KIF16B: variants seen among roughly 807,000 people sequenced by gnomAD.
KIF16B encodes the protein kinesin-like protein KIF16B.
Under a neutral mutation model 156.3 loss-of-function variants are expected in KIF16B, and 98 were observed. That is an observed-to-expected ratio of 0.63 (90% confidence interval 0.53 to 0.74). KIF16B has a LOEUF of 0.74. Ranked by LOEUF, KIF16B falls within the 30% of genes least tolerant of loss-of-function variation. The pLI is 0.00. For missense variants in KIF16B, 1,421 were observed against 1,606.5 expected (o/e 0.88, Z 1.97); for synonymous variants, 564 against 583.7 (o/e 0.97, Z 0.49).
chr20:16,385,175 G>C (rs1468362545), intron 17 of KIF16B, among the ~76,000 whole-genome samples: 2 of 150,906 alleles, frequency 1.3e-5, no homozygotes, highest in East Asian at 1.9e-4. Flanking sequence ...CCAGACTGGG[G>C]GACAAGAGCG....
At chr20:16,431,216 C>T (rs1240663658) in intron 12 of KIF16B, among the ~76,000 whole-genome samples, 1 of 152,134 alleles carries the variant, frequency 6.6e-6, no homozygotes, top group African/African-American at 2.4e-5. Flanking sequence ...TCTGGGCCAC[C>T]ACTCATGTCT....
chr20:16,298,877 T>C (rs964048831), intron 25 of KIF16B, among the ~76,000 whole-genome samples: 1 of 150,050 alleles, frequency 6.7e-6, no homozygotes, highest in African/African-American at 2.5e-5. Context: ...GTAAATGACA[T>C]GCTGTCCTCA....
At chr20:16,569,997 C>T (rs924037994) in intron 1 of KIF16B, among the ~76,000 whole-genome samples, 3 of 147,748 alleles carry the variant, frequency 2.0e-5, no homozygotes, top group Non-Finnish European at 4.4e-5. Context: ...TGTGTGTGTA[C>T]ATTTGTTAGC....
chr20:16,453,983 C>G (rs887483059), intron 12 of KIF16B, among the ~76,000 whole-genome samples: 11 of 152,142 alleles, frequency 7.2e-5, no homozygotes, highest in African/African-American at 2.7e-4. Flanking sequence ...CATGCACACA[C>G]GCATTATTCT....
At chr20:16,406,283 G>T in intron 16 of KIF16B, 91 bp downstream of exon 16, 1 of 1,105,178 alleles carries the variant, frequency 9.0e-7, no homozygotes, top group South Asian at 1.3e-5. Context: ...CTGCACCCCA[G>T]AAAGTCAAAA....
At chr20:16,526,384 T>C (rs2069546857) in intron 2 of KIF16B, among the ~76,000 whole-genome samples, 179 bp from the exon 3 acceptor site, 1 of 152,242 alleles carries the variant, frequency 6.6e-6, no homozygotes, top group Admixed American at 6.5e-5. Context: ...TTCTCTGTGA[T>C]ATGACCCAAG....
intron 14 of KIF16B, among the ~76,000 whole-genome samples, chr20:16,428,273 A>G (rs2066410813): frequency 6.6e-6 from 1 of 152,174 alleles, no homozygotes; most frequent in African/African-American, 2.4e-5. Context: ...AATAGCTTAC[A>G]CTTGGCAAGC....
At chr20:16,507,800 C>T (rs746595600) in intron 7 of KIF16B, among the ~76,000 whole-genome samples, 158 bp downstream of exon 7, 3 of 152,150 alleles carry the variant, frequency 2.0e-5, no homozygotes, top group Admixed American at 6.5e-5. Flanking sequence ...AGAAACTCAG[C>T]GCACAGCACA....
intron 24 of KIF16B, among the ~76,000 whole-genome samples, chr20:16,328,580 T>C (rs1415542998): frequency 1.3e-5 from 2 of 152,200 alleles, no homozygotes; most frequent in African/African-American, 4.8e-5. Context: ...AATGATTGAT[T>C]CCAGTACTTC....
At chr20:16,535,250 T>C (rs2069914033) in intron 1 of KIF16B, among the ~76,000 whole-genome samples, 1 of 152,224 alleles carries the variant, frequency 6.6e-6, no homozygotes, top group Non-Finnish European at 1.5e-5. Context: ...TTTTCTTTGA[T>C]AGCTACAGTA....
chr20:16,403,400 C>T (rs77586200), intron 17 of KIF16B, among the ~76,000 whole-genome samples: 1,893 of 152,338 alleles, frequency 0.012, 38 homozygotes, highest in African/African-American at 0.043. Flanking sequence ...CTCTGAAGTA[C>T]TTACCATTTA....
At chr20:16,542,937 C>T (rs2070260595) in intron 1 of KIF16B, among the ~76,000 whole-genome samples, 1 of 152,144 alleles carries the variant, frequency 6.6e-6, no homozygotes, top group African/African-American at 2.4e-5. Context: ...AAGGAGACCA[C>T]TCAGAAGGCT....
intron 12 of KIF16B, among the ~76,000 whole-genome samples, chr20:16,493,085 A>G (rs1156455342): frequency 6.6e-6 from 1 of 152,206 alleles, no homozygotes; most frequent in African/African-American, 2.4e-5. Context: ...CTGCAGAAGT[A>G]CCTCAAAATA....
At chr20:16,290,777 C>T (rs1018833160) in intron 25 of KIF16B, among the ~76,000 whole-genome samples, 1 of 152,130 alleles carries the variant, frequency 6.6e-6, no homozygotes, top group Non-Finnish European at 1.5e-5. Flanking sequence ...CACCAATGAT[C>T]CCCTTCACTG....
intron 15 of KIF16B, among the ~76,000 whole-genome samples, chr20:16,425,625 G>T (rs1165393861): frequency 2.0e-5 from 3 of 152,080 alleles, no homozygotes; most frequent in Non-Finnish European, 2.9e-5. Context: ...TAACAAAGAA[G>T]AAAAGAGTAA....
chr20:16,446,594 AC>A (rs1222607201), intron 12 of KIF16B, among the ~76,000 whole-genome samples: 3 of 152,220 alleles, frequency 2.0e-5, no homozygotes, highest in African/African-American at 7.2e-5. Flanking sequence ...ACGGAAATCA[AC>A]AAAATTAAAA....
intron 25 of KIF16B, among the ~76,000 whole-genome samples, chr20:16,297,489 A>G (rs1208575237): frequency 1.3e-5 from 2 of 152,038 alleles, no homozygotes; most frequent in Middle Eastern, 3.2e-3. Flanking sequence ...TCAGGAGATC[A>G]AGACCATTCT....
At chr20:16,556,921 T>G (rs1288245792) in intron 1 of KIF16B, among the ~76,000 whole-genome samples, 1 of 152,100 alleles carries the variant, frequency 6.6e-6, no homozygotes, top group East Asian at 1.9e-4. Flanking sequence ...TATGATCTTT[T>G]GTTCACTCAC....
chr20:16,542,184 AAT>A lies in KIF16B; in HGVS notation c.48-13746_48-13745del, dbSNP rs1242359520. On this transcript the variant is annotated intron_variant, in intron 1 of 25. Coordinates refer to ENST00000354981, the MANE Select transcript of KIF16B (RefSeq NM_024704.5). ...TCAGCTGAAAGGAGAATAGCCTAACAATCAGAAGTGCCTCAGTACAAAATGAG... is the reference window on the plus strand; with the variant it reads ...TCAGCTGAAAGGAGAATAGCCTAACACAGAAGTGCCTCAGTACAAAATGAG... Among the ~76,000 whole-genome samples the A allele has an allele frequency of 3.9e-5, 6 of 152,324 alleles. No individual in the cohort carries two copies. In the East Asian group the frequency reaches 1.2e-3, roughly 29 times the overall value.
Sources: allele counts gnomAD v4.1 joint callset (sites outside exome capture counted in the v4.1 genomes callset), GRCh38; gene constraint gnomAD v4.1.1; transcripts MANE v1.5; gene names NCBI Gene and HGNC (gene_info 2026-07-23, HGNC 2026-07-21).